The following THSD4 variants were observed in gnomAD, a reference collection of about 807,000 sequenced individuals.
THSD4 encodes thrombospondin type 1 domain containing 4, also known as thrombospondin type-1 domain-containing protein 4.
A neutral mutation model predicts 119.0 loss-of-function variants in THSD4; 69 were observed. The observed-to-expected ratio is 0.58, with a 90% CI of 0.48 to 0.71. The LOEUF is 0.71. Among genes scored for constraint, THSD4 ranks in the 30% least tolerant of loss-of-function variants. The pLI is 0.00. For synonymous variants in THSD4, 524 were observed against 540.4 expected, an observed-to-expected ratio of 0.97 and a Z score of 0.42; for missense variants, 1,393 against 1,391.1, an observed-to-expected ratio of 1.00 and a Z score of -0.02.
intron 7 of THSD4, among the ~76,000 whole-genome samples, chr15:71,466,078 A>G (rs2047494986): frequency 6.6e-6 from 1 of 152,240 alleles, no homozygotes; most frequent in East Asian, 1.9e-4. Context: ...GGCCGGGCGC[A>G]GTGGCTCACA....
chr15:71,700,432 TTAAA>T (rs1388824602), intron 8 of THSD4, among the ~76,000 whole-genome samples: 2 of 152,054 alleles, frequency 1.3e-5, no homozygotes, highest in East Asian at 1.9e-4. Context: ...GGCATAAAAT[TTAAA>T]TAAATGACAA....
chr15:71,344,195 C>T (rs146477654), intron 6 of THSD4, among the ~76,000 whole-genome samples: 1,979 of 152,068 alleles, frequency 0.013, 45 homozygotes, highest in African/African-American at 0.046. Context: ...CCCGCCACCA[C>T]GCCCGACTAA....
At chr15:71,571,166 G>A (rs2049346960) in intron 7 of THSD4, among the ~76,000 whole-genome samples, 1 of 152,042 alleles carries the variant, frequency 6.6e-6, no homozygotes, top group South Asian at 2.1e-4. Flanking sequence ...GGGATTCAAA[G>A]TGGAAAGCAC....
At chr15:71,716,393 G>T (rs1458795508) in intron 8 of THSD4, among the ~76,000 whole-genome samples, 1 of 152,154 alleles carries the variant, frequency 6.6e-6, no homozygotes, top group Non-Finnish European at 1.5e-5. Flanking sequence ...ACCCAGTATA[G>T]GATATGTTTG....
At chr15:71,495,993 C>T (rs2048010662) in intron 7 of THSD4, among the ~76,000 whole-genome samples, 1 of 152,208 alleles carries the variant, frequency 6.6e-6, no homozygotes, top group South Asian at 2.1e-4. Context: ...CAATCTCTTG[C>T]CTACACAGTA....
chr15:71,570,556 A>G (rs2049330920), intron 7 of THSD4, among the ~76,000 whole-genome samples: 1 of 152,108 alleles, frequency 6.6e-6, no homozygotes, highest in South Asian at 2.1e-4. Flanking sequence ...CCAGGTGCAC[A>G]CCACCACGCC....
At chr15:71,430,433 T>G (rs1413292316) in intron 7 of THSD4, among the ~76,000 whole-genome samples, 2 of 152,098 alleles carry the variant, frequency 1.3e-5, no homozygotes, top group African/African-American at 2.4e-5. Context: ...TTGCTGAAAA[T>G]TTTTATAAGG....
intron 1 of THSD4, among the ~76,000 whole-genome samples, chr15:71,138,438 CA>C (rs1304550382): frequency 6.6e-6 from 1 of 152,188 alleles, no homozygotes; most frequent in Non-Finnish European, 1.5e-5. Flanking sequence ...TTGTCAACCA[CA>C]AAATCTCCAT....
intron 6 of THSD4, among the ~76,000 whole-genome samples, chr15:71,271,513 G>A (rs2044530358): frequency 6.6e-6 from 1 of 152,180 alleles, no homozygotes; most frequent in African/African-American, 2.4e-5. Context: ...AGAACCTTCT[G>A]GAATGATGGT....
At chr15:71,497,518 C>CAA (rs148225271) in intron 7 of THSD4, among the ~76,000 whole-genome samples, 21 of 148,506 alleles carry the variant, frequency 1.4e-4, no homozygotes, top group Middle Eastern at 3.5e-3. Context: ...ATCTCAAAAA[C>CAA]AAAAAAAAAG....
chr15:71,360,396 C>T (rs1042071620), intron 6 of THSD4, among the ~76,000 whole-genome samples: 4 of 152,128 alleles, frequency 2.6e-5, no homozygotes, highest in Admixed American at 6.5e-5. Context: ...AGATTCAACA[C>T]GATGGGTTAC....
intron 6 of THSD4, among the ~76,000 whole-genome samples, chr15:71,403,279 C>G (rs1428028997): frequency 6.6e-6 from 1 of 152,104 alleles, no homozygotes; most frequent in Non-Finnish European, 1.5e-5. Context: ...GTGAGAATTG[C>G]ATTTCTGAAA....
In THSD4 at chr15:71,479,730, G is replaced by GA. The variant is rs551369545; in HGVS notation, c.1152+67915dup. On this transcript the variant is annotated intron_variant, in intron 7 of 17. Coordinates refer to ENST00000261862, the MANE Select transcript of THSD4 (RefSeq NM_024817.3). ...CCCTTCACTCTTTAGGAGAAGGTTT[G>GA]AAAAAAAACTGTGTTTCCTGTTGAA... is the stretch of plus-strand genomic sequence containing the variant. Among the ~76,000 whole-genome samples the GA allele has an allele frequency of 9.9e-5, 15 of 151,788 alleles. No individual in the cohort carries two copies. The South Asian group carries it at 1.5e-3, about 15-fold the overall frequency.
chr15:71,382,353 C>A (rs951891069), intron 6 of THSD4, among the ~76,000 whole-genome samples: 1 of 152,172 alleles, frequency 6.6e-6, no homozygotes, highest in Non-Finnish European at 1.5e-5. Context: ...ACAGAGAGGA[C>A]CAAATGCTAG....
At chr15:71,378,373 A>G (rs1304809750) in intron 6 of THSD4, among the ~76,000 whole-genome samples, 1 of 152,170 alleles carries the variant, frequency 6.6e-6, no homozygotes, top group Non-Finnish European at 1.5e-5. Context: ...GGCTTTTGTG[A>G]GTAGATGGCT....
intron 3 of THSD4, among the ~76,000 whole-genome samples, chr15:71,180,811 C>T (rs1052143795): frequency 4.6e-5 from 7 of 151,994 alleles, no homozygotes; most frequent in Admixed American, 4.6e-4. Context: ...GGGAACCTTC[C>T]AGGGTGTTGG....
intron 1 of THSD4, among the ~76,000 whole-genome samples, chr15:71,138,684 C>T (rs2040573008): frequency 1.3e-5 from 2 of 152,134 alleles, no homozygotes; most frequent in Non-Finnish European, 2.9e-5. Context: ...CTACTCACCC[C>T]TCAAGCCACC....
chr15:71,282,417 T>TAGAA (rs10663008), intron 6 of THSD4, among the ~76,000 whole-genome samples: 103,665 of 151,748 alleles, frequency 0.68, 35,778 homozygotes, highest in East Asian at 0.85. Context: ...AAGGAAGAAA[T>TAGAA]AGGAAAAAAG....
intron 7 of THSD4, among the ~76,000 whole-genome samples, chr15:71,517,316 T>A (rs745686585): frequency 6.6e-6 from 1 of 152,152 alleles, no homozygotes; most frequent in Non-Finnish European, 1.5e-5. Context: ...CCTTCTCTCC[T>A]TCCCAGTCCA....
Sources: gnomAD v4.1 joint callset for allele counts (sites outside exome capture counted in the v4.1 genomes callset) on GRCh38, gnomAD v4.1.1 for gene constraint, MANE v1.5 for transcripts, NCBI Gene and HGNC (gene_info 2026-07-23, HGNC 2026-07-21) for gene names.